AHNAK2: variants seen among roughly 807,000 people sequenced by gnomAD.
AHNAK2 encodes AHNAK nucleoprotein 2, also known as protein AHNAK2.
AHNAK2 carries 18 observed loss-of-function variants against 30.7 expected under a neutral mutation model. That is an observed-to-expected ratio of 0.59 (90% CI 0.41 to 0.87). The LOEUF is 0.87. Among genes scored for constraint, AHNAK2 ranks in the 40% least tolerant of loss-of-function variants. The pLI, the probability that AHNAK2 is intolerant of heterozygous loss-of-function variation, is 0.00. For missense variants in AHNAK2, 8,604 were observed against 7,373.0 expected, an observed-to-expected ratio of 1.17 and a Z score of -6.11; for synonymous variants, 3,590 against 3,073.8, an observed-to-expected ratio of 1.17 and a Z score of -5.56.
chr14:104,950,934 G>A lies in AHNAK2; in HGVS notation c.4517C>T (p.Ser1506Phe), dbSNP rs564541648. Residue 1506 changes from serine (S) to phenylalanine (F), a missense_variant, in exon 7 of 7, where the codon TCT (serine) becomes TTT (phenylalanine). By Grantham distance (155) the Ser-to-Phe change is radical. Transcript: ENST00000333244. Reference protein sequence around the residue: ...PKFKMPSFGVSAPGKSIEASV... With the variant: ...PKFKMPSFGVFAPGKSIEASV... ...GGCCTCGATGGACTTGCCTGGGGCA[G>A]ACACCCCGAACGACGGCATCTTGAA... 2.0e-3 allele frequency: 3,132 copies of A among 1,547,118 alleles called. 252 individuals carry two copies. In the African/African-American group the frequency reaches 0.033, roughly 17 times the overall value.
chr14:104,954,580 G>T lies in AHNAK2; in HGVS notation c.871C>A (p.His291Asn). 6.2e-7 allele frequency: 1 copy of T among 1,609,312 alleles called. No individual in the cohort carries two copies. Residue 291 changes from histidine (H) to asparagine (N), a missense_variant, in exon 7 of 7, where the codon CAT becomes AAT. Transcript: ENST00000333244. This position sits in a 1 kb window ranked among gnomAD's most constrained non-coding sequence, Gnocchi z 4.3. ...SSEAYEPRDA[H>N]DVSPTSTDTE... The stretch of plus-strand genomic sequence containing the variant: ...TCTGTGCTTGTAGGGGACACGTCAT[G>T]TGCGTCCCTAGGTTCGTAGGCCTCT...
Position 104,950,998 on chromosome 14 carries a change from C to G in AHNAK2, c.4453G>C (p.Asp1485His). 2 of 1,064,382 alleles carry G rather than the reference C, an allele frequency of 1.9e-6. 1 individual carries two copies. The highest frequency in any genetic ancestry group is 2.7e-6 in the Non-Finnish European group (2 of 733,672). 65.9% of individuals were successfully genotyped at this position (1,064,382 alleles called of 1,614,324 possible). A position where few individuals can be genotyped will look rare whatever the true frequency, so the allele number is the denominator to read the frequency against. Residue 1485 changes from aspartate (D) to histidine (H), a missense_variant, in exon 7 of 7, where the codon GAC becomes CAC. By Grantham distance (81) the Asp-to-His change is moderately conservative. Coordinates refer to ENST00000333244, the MANE Select transcript of AHNAK2 (RefSeq NM_138420.4). Reference protein sequence around the residue: ...LEEDMSLADKDLTTKDSKFKM... With the variant: ...LEEDMSLADKHLTTKDSKFKM... ...AACTTGCTGTCTTTGGTAGTCAAGTCCTTGTCGGCCAGGGACATGTCCTCC... is the reference window on the plus strand; with the variant it reads ...AACTTGCTGTCTTTGGTAGTCAAGTGCTTGTCGGCCAGGGACATGTCCTCC...
At chr14:104,967,865 C>T (rs1208679179) in intron 1 of AHNAK2, among the ~76,000 whole-genome samples, 1 of 152,176 alleles carries the variant, frequency 6.6e-6, no homozygotes, top group African/African-American at 2.4e-5. Context: ...TATCCCAGTC[C>T]CCCGCCAAGA....
chr14:104,947,822 C>G lies in AHNAK2; in HGVS notation c.7629G>C (p.Gln2543His), dbSNP rs1276776487. Residue 2543 changes from glutamine to histidine, a missense_variant, in exon 7 of 7, where the codon CAG becomes CAC. Physicochemically the swap from Gln to His is conservative, Grantham distance 24. Transcript: ENST00000333244. ...IQPPSADLEV[Q>H]AGQVDVKLPE... ...GGAGTTTCACGTCCACTTGGCCAGC[C>G]TGGACCTCCAGGTCAGCGGAAGGGG... The G allele has an allele frequency of 1.2e-6, 2 of 1,612,758 alleles. No homozygotes were observed. Among genetic ancestry groups the G allele is most frequent in the Non-Finnish European group, 8.5e-7 (1 of 1,179,622 alleles).
rs201165355 is a variant in AHNAK2, at chr14:104,945,325, G to T, written c.10126C>A (p.Leu3376Ile). Residue 3376 changes from leucine (L) to isoleucine (I), a missense_variant, in exon 7 of 7, where the codon CTC becomes ATC. By Grantham distance (5) the Leu-to-Ile change is conservative. Coordinates refer to ENST00000333244, the MANE Select transcript of AHNAK2 (RefSeq NM_138420.4). ...EVQAGQVDVK[L>I]PEGHVPEGAG... is the part of the protein sequence containing the mutation. ...CCCTCGGGCACGTGGCCCTCCGGGA[G>T]CTTCACGTCCACCTGGCCAGCCTGG... The T allele has an allele frequency of 1.2e-6, 2 of 1,613,002 alleles. No individual in the cohort carries two copies. The highest frequency in any genetic ancestry group is 1.3e-5 in the African/African-American group (1 of 74,736).
chr14:104,941,558 T>C lies in AHNAK2; in HGVS notation c.13893A>G (p.Pro4631=). The change falls in exon 7 of 7, where the codon CCA becomes CCG. Residue 4631 remains proline (P), a synonymous_variant. Coordinates refer to ENST00000333244, the MANE Select transcript of AHNAK2 (RefSeq NM_138420.4). ...ATTCAAAACCAGACGTGCTCAGTTT[T>C]GGTCCTTGAAACTTACTGTCTTTCC... ...VAGKDSKFQG[P]KLSTSGFEWS... 6.2e-7 allele frequency: 1 copy of C among 1,613,172 alleles called. No homozygotes were observed.
chr14:104,952,276 C>G lies in AHNAK2; in HGVS notation c.3175G>C (p.Ala1059Pro). The G allele has an allele frequency of 6.2e-7, 1 of 1,612,664 alleles. No homozygotes were observed. The highest frequency in any genetic ancestry group is 1.1e-5 in the South Asian group (1 of 91,034). Residue 1059 changes from alanine (A) to proline (P), a missense_variant, in exon 7 of 7, where the codon GCT (alanine) becomes CCT (proline). Coordinates refer to ENST00000333244, the MANE Select transcript of AHNAK2 (RefSeq NM_138420.4). ...QPASTDLKVQ[A>P]DQVDVKLPEG... is the part of the protein sequence containing the mutation. ...GGGAGCTTCACATCCACCTGGTCAGCCTGGACCTTCAGGTCAGTAGAAGCA... is the reference window on the plus strand; with the variant it reads ...GGGAGCTTCACATCCACCTGGTCAGGCTGGACCTTCAGGTCAGTAGAAGCA...
Position 104,944,515 on chromosome 14 carries a change from G to T in AHNAK2, c.10936C>A (p.Pro3646Thr). The change falls in exon 7 of 7, where the codon CCG becomes ACG. Residue 3646 changes from proline to threonine, a missense_variant. Pro to Thr is a conservative substitution (Grantham distance 38). Coordinates refer to ENST00000333244, the MANE Select transcript of AHNAK2 (RefSeq NM_138420.4). ...SKFKMPKFKM[P>T]SFRVSAPGKS... is the part of the protein sequence containing the mutation. The stretch of plus-strand genomic sequence containing the variant: ...CCTGGGGCCGATACCCTGAATGACG[G>T]CATCTTGAATTTGGGCATTTTGAAC... 6.2e-7 allele frequency: 1 copy of T among 1,612,946 alleles called. No individual in the cohort carries two copies. Among genetic ancestry groups the T allele is most frequent in the Non-Finnish European group, 8.5e-7 (1 of 1,179,562 alleles).
rs367653109 is a variant in AHNAK2, at chr14:104,942,698, A to G, written c.12753T>C (p.Asp4251=). 1.2e-6 allele frequency: 2 copies of G among 1,609,688 alleles called. No individual in the cohort carries two copies. The highest frequency in any genetic ancestry group is 2.2e-5 in the East Asian group (1 of 44,528). The change falls in exon 7 of 7, where the codon GAT becomes GAC. Residue 4251 remains aspartate (D), a synonymous_variant. Transcript: ENST00000333244. The part of the protein sequence containing the change: ...PKLDLKGPKA[D]VMTPVVEVSL... ...ACACCTCCACGACGGGGGTCATCAC[A>G]TCCGCCTTGGGGCCTTTCAGGTCCA...
chr14:104,969,368 C>T (rs1217049984), intron 1 of AHNAK2, among the ~76,000 whole-genome samples: 2 of 152,252 alleles, frequency 1.3e-5, no homozygotes, highest in Admixed American at 1.3e-4. Flanking sequence ...CCCTAGCCGA[C>T]ATCCCCAGCC....
chr14:104,947,684 C>G lies in AHNAK2; in HGVS notation c.7767G>C (p.Lys2589Asn). ...MDLKGPQLDV[K>N]GPKLDLKGPK... ...GGCCTTTCAGGTCCAGCTTGGGGCC[C>G]TTGACATCTAGCTGGGGGCCCTTGA... The change falls in exon 7 of 7, where the codon AAG becomes AAC. Residue 2589 changes from lysine to asparagine, a missense_variant. Transcript: ENST00000333244. 6.2e-7 allele frequency: 1 copy of G among 1,612,996 alleles called. No homozygotes were observed. Among genetic ancestry groups the G allele is most frequent in the Non-Finnish European group, 8.5e-7 (1 of 1,179,634 alleles).
rs751574292 is a variant in AHNAK2, at chr14:104,942,405, T to G, written c.13046A>C (p.Gln4349Pro). ...GDLKTTHLSI[Q>P]PPSADLEVQA... Reference sequence around the variant, plus strand: ...GACCTCCAGATCAGCGGAAGGGGGCTGAATGCTGAGGTGAGTGGTCTTCAG... The same window carrying G: ...GACCTCCAGATCAGCGGAAGGGGGCGGAATGCTGAGGTGAGTGGTCTTCAG... The change falls in exon 7 of 7, where the codon CAG becomes CCG. Residue 4349 changes from glutamine (Q) to proline (P), a missense_variant. Transcript: ENST00000333244. 11 of 1,612,712 alleles carry G rather than the reference T, an allele frequency of 6.8e-6. No individual in the cohort carries two copies. The African/African-American group carries it at 8.0e-5, about 12-fold the overall frequency.
intron 1 of AHNAK2, among the ~76,000 whole-genome samples, chr14:104,976,485 G>A (rs1346537436): frequency 6.6e-6 from 1 of 152,212 alleles, no homozygotes; most frequent in East Asian, 1.9e-4. Flanking sequence ...GTAGTTGGCA[G>A]GGTGCTTGTC....
Position 104,943,271 on chromosome 14 carries a change from C to T in AHNAK2, c.12180G>A (p.Lys4060=). 2 of 1,613,084 alleles carry T rather than the reference C, an allele frequency of 1.2e-6. No individual in the cohort carries two copies. The highest frequency in any genetic ancestry group is 2.2e-5 in the South Asian group (2 of 91,038). Residue 4060 remains lysine, a synonymous_variant, in exon 7 of 7, where the codon AAG becomes AAA. Coordinates refer to ENST00000333244, the MANE Select transcript of AHNAK2 (RefSeq NM_138420.4). ...HLPKVQMPSF[K]MPKVDLKGPQ... ...GGCCCTTGAGGTCCACTTTGGGCAT[C>T]TTGAAACTGGGCATCTGCACCTTGG...
At position 104,954,433 on chromosome 14, in the gene AHNAK2, C is replaced by T; in HGVS notation, c.1018G>A (p.Gly340Arg). Reference sequence around the variant, plus strand: ...CTCTGGAACCCCCTGCCTGGCTGTCCTGTCGATGAAGGGCCCTGTCCCGAG... The same window carrying T: ...CTCTGGAACCCCCTGCCTGGCTGTCTTGTCGATGAAGGGCCCTGTCCCGAG... ...TGSGQGPSST[G>R]QPGRGFQSGV... The change falls in exon 7 of 7, where the codon GGA becomes AGA. Residue 340 changes from glycine (G) to arginine (R), a missense_variant. Gly to Arg is a moderately radical substitution (Grantham distance 125). Transcript: ENST00000333244. This position sits in a 1 kb window ranked among gnomAD's most constrained non-coding sequence, Gnocchi z 4.3. 2 of 1,612,772 alleles carry T rather than the reference C, an allele frequency of 1.2e-6. No individual in the cohort carries two copies. The highest frequency in any genetic ancestry group is 1.7e-6 in the Non-Finnish European group (2 of 1,179,556).
chr14:104,952,174 T>C lies in AHNAK2; in HGVS notation c.3277A>G (p.Lys1093Glu). 6.2e-7 allele frequency: 1 copy of C among 1,612,468 alleles called. No individual in the cohort carries two copies. Among genetic ancestry groups the C allele is most frequent in the Non-Finnish European group, 8.5e-7 (1 of 1,179,588 alleles). Reference protein sequence around the residue: ...KVEMPSFKMPKVALKGPQVDV... With the variant: ...KVEMPSFKMPEVALKGPQVDV... ...ACCTGGGGGCCCTTGAGGGCCACTT[T>C]GGGCATCTTGAAACTGGGCATCTCC... Residue 1093 changes from lysine (K) to glutamate (E), a missense_variant, in exon 7 of 7, where the codon AAA (lysine) becomes GAA (glutamate). Physicochemically the swap from Lys to Glu is moderately conservative, Grantham distance 56. Transcript: ENST00000333244.
chr14:104,959,259 G>T (rs140577886), intron 1 of AHNAK2, among the ~76,000 whole-genome samples: 1 of 152,152 alleles, frequency 6.6e-6, no homozygotes, highest in Non-Finnish European at 1.5e-5. Flanking sequence ...TGCAACCTCC[G>T]CCTCCCAGGT....
Position 104,942,244 on chromosome 14 carries a change from C to A in AHNAK2, c.13207G>T (p.Val4403Phe), listed in dbSNP as rs1325541227. Residue 4403 changes from valine to phenylalanine, a missense_variant, in exon 7 of 7, where the codon GTT (valine) becomes TTT (phenylalanine). Transcript: ENST00000333244. ...TTCAGGTCCAGCTTGGGGACATTAA[C>A]GTCTATCTGGGGACCCTTGAGGTCC... ...KVDLKGPQID[V>F]NVPKLDLKGP... The A allele has an allele frequency of 6.2e-7, 1 of 1,612,790 alleles. No homozygotes were observed.
Position 104,948,079 on chromosome 14 carries a change from C to A in AHNAK2, c.7372G>T (p.Ala2458Ser), listed in dbSNP as rs779768840. ...TCCAGCCACGCACCATCCAGCTTGG[C>A]TCCCGGGGCCTCGACATCCACCTCC... is the stretch of plus-strand genomic sequence containing the variant. ...SVEVDVEAPG[A>S]KLDGAWLEGD... is the part of the protein sequence containing the mutation. Residue 2458 changes from alanine to serine, a missense_variant, in exon 7 of 7, where the codon GCC becomes TCC. Transcript: ENST00000333244. 9 of 1,613,080 alleles carry A rather than the reference C, an allele frequency of 5.6e-6. No individual in the cohort carries two copies. Among genetic ancestry groups the A allele is most frequent in the African/African-American group, 2.7e-5 (2 of 74,546 alleles).
Sources: allele counts gnomAD v4.1 joint callset (sites outside exome capture counted in the v4.1 genomes callset), GRCh38; gene constraint gnomAD v4.1.1; non-coding constraint Gnocchi (gnomAD v3.1); transcripts MANE v1.5; gene names NCBI Gene and HGNC (gene_info 2026-07-23, HGNC 2026-07-21).